Variants in KCNIP4 observed in about 807,000 individuals in gnomAD.
KCNIP4 encodes potassium voltage-gated channel interacting protein 4.
A neutral mutation model predicts 34.0 loss-of-function variants in KCNIP4; 12 were observed. The observed-to-expected ratio is 0.35, with a 90% CI of 0.23 to 0.57. KCNIP4 has a LOEUF of 0.57. Among genes scored for constraint, KCNIP4 ranks in the 20% least tolerant of loss-of-function variants. The pLI, the probability that KCNIP4 is intolerant of heterozygous loss-of-function variation, is 0.83. For missense variants in KCNIP4, 238 were observed against 311.7 expected (o/e 0.76, Z 1.78); for synonymous variants, 124 against 102.2 (o/e 1.21, Z -1.29).
intron 1 of KCNIP4, among the ~76,000 whole-genome samples, chr4:21,781,810 T>A (rs1399757368): frequency 1.3e-5 from 2 of 151,958 alleles, no homozygotes; most frequent in Non-Finnish European, 2.9e-5. Context: ...ATATAAATGG[T>A]GGGGAGTAAA....
intron 1 of KCNIP4, among the ~76,000 whole-genome samples, chr4:21,713,066 T>C (rs541988874): frequency 3.3e-4 from 51 of 152,326 alleles, no homozygotes; most frequent in African/African-American, 1.2e-3. Context: ...CTTTCACTTA[T>C]TGCTCATGAT....
At chr4:21,235,063 A>G (rs1359281158) in intron 1 of KCNIP4, among the ~76,000 whole-genome samples, 3 of 152,178 alleles carry the variant, frequency 2.0e-5, no homozygotes, top group Non-Finnish European at 4.4e-5. Context: ...TATAACTACT[A>G]TAACATAAAA....
intron 1 of KCNIP4, among the ~76,000 whole-genome samples, chr4:21,141,374 TTC>T (rs1466122210): frequency 6.6e-6 from 1 of 152,226 alleles, no homozygotes; most frequent in Non-Finnish European, 1.5e-5. Flanking sequence ...AGTCTCTGTT[TTC>T]TGTCTTTTCA....
chr4:21,018,029 T>C (rs567489944), intron 1 of KCNIP4, among the ~76,000 whole-genome samples: 1 of 152,338 alleles, frequency 6.6e-6, no homozygotes, highest in Non-Finnish European at 1.5e-5. Context: ...CTCACGGATG[T>C]ACCACCTAAT....
At chr4:21,404,183 A>G (rs1723781075) in intron 1 of KCNIP4, among the ~76,000 whole-genome samples, 2 of 152,210 alleles carry the variant, frequency 1.3e-5, no homozygotes, top group African/African-American at 4.8e-5. Flanking sequence ...CTCAGATATC[A>G]TCCAATACAT....
chr4:21,090,113 C>G (rs998078788), intron 1 of KCNIP4, among the ~76,000 whole-genome samples: 2 of 152,190 alleles, frequency 1.3e-5, no homozygotes, highest in African/African-American at 4.8e-5. Flanking sequence ...CCCCTCTCCC[C>G]TGCCCATGCC....
At chr4:21,183,919 C>T (rs1280429909) in intron 1 of KCNIP4, among the ~76,000 whole-genome samples, 2 of 152,130 alleles carry the variant, frequency 1.3e-5, no homozygotes, top group African/African-American at 4.8e-5. Flanking sequence ...CTCCTTTCCT[C>T]TCCCTTCTCA....
chr4:21,121,111 A>G (rs150832477), intron 1 of KCNIP4, among the ~76,000 whole-genome samples: 10 of 152,286 alleles, frequency 6.6e-5, no homozygotes, highest in South Asian at 6.2e-4. Context: ...CTTGTCCCCA[A>G]TTCTCCAGCA....
chr4:21,568,859 ATATTCATC>A (rs1221953419), intron 1 of KCNIP4, among the ~76,000 whole-genome samples: 6 of 152,180 alleles, frequency 3.9e-5, no homozygotes, highest in African/African-American at 1.4e-4. Flanking sequence ...TCCTCTTCAT[ATATTCATC>A]TATCCTGTTA....
chr4:20,859,755 A>G (rs1460032178), intron 2 of KCNIP4, among the ~76,000 whole-genome samples: 3 of 152,200 alleles, frequency 2.0e-5, no homozygotes, highest in Non-Finnish European at 4.4e-5. Flanking sequence ...CTAAGGGCAA[A>G]TCATGCCATC....
At chr4:21,724,834 A>G (rs1011758917) in intron 1 of KCNIP4, among the ~76,000 whole-genome samples, 4 of 152,090 alleles carry the variant, frequency 2.6e-5, no homozygotes, top group African/African-American at 9.7e-5. Flanking sequence ...CATGCTTAAG[A>G]GACCCAAGGA....
At chr4:21,617,425 T>C (rs1744682667) in intron 1 of KCNIP4, among the ~76,000 whole-genome samples, 1 of 152,152 alleles carries the variant, frequency 6.6e-6, no homozygotes, top group Admixed American at 6.5e-5. Flanking sequence ...ATGTCAATCA[T>C]TGCTGCATTT....
chr4:21,891,245 A>C (rs1227905882), intron 1 of KCNIP4, among the ~76,000 whole-genome samples: 1 of 152,132 alleles, frequency 6.6e-6, no homozygotes, highest in Non-Finnish European at 1.5e-5. Flanking sequence ...GTATGCTTAA[A>C]TTAAGTGACT....
intron 1 of KCNIP4, among the ~76,000 whole-genome samples, chr4:21,838,998 A>G (rs1319984069): frequency 6.6e-6 from 1 of 152,200 alleles, no homozygotes; most frequent in Non-Finnish European, 1.5e-5. Context: ...AGAAAAAGTC[A>G]TTTTTGAGGG....
At chr4:21,074,799 A>G (rs139400043) in intron 1 of KCNIP4, among the ~76,000 whole-genome samples, 3,892 of 152,200 alleles carry the variant, frequency 0.026, 149 homozygotes, top group African/African-American at 0.087. Flanking sequence ...CCCTCTACAC[A>G]CTGCTTTAAA....
Position 20,976,607 on chromosome 4 carries a change from C to T in KCNIP4, c.62-93898G>A, listed in dbSNP as rs566396872. Reference sequence around the variant, plus strand: ...CTTTATAGCCTATACTCTTCCCTCTCGCCTTATTCTGCCTTCTCCCTTATT... The same window carrying T: ...CTTTATAGCCTATACTCTTCCCTCTTGCCTTATTCTGCCTTCTCCCTTATT... On this transcript the variant is annotated intron_variant, in intron 1 of 8. Transcript: ENST00000382152. Among the ~76,000 whole-genome samples, 5 of 152,206 alleles carry T rather than the reference C, an allele frequency of 3.3e-5. No individual in the cohort carries two copies. In the East Asian group the frequency reaches 5.8e-4, roughly 18 times the overall value.
chr4:20,989,455 G>C (rs866082659), intron 1 of KCNIP4, among the ~76,000 whole-genome samples: 1 of 152,134 alleles, frequency 6.6e-6, no homozygotes, highest in Non-Finnish European at 1.5e-5. Context: ...GACTTGCTTA[G>C]TATAGGAAAA....
chr4:20,879,673 A>G (rs944176715), intron 2 of KCNIP4, among the ~76,000 whole-genome samples: 1 of 152,228 alleles, frequency 6.6e-6, no homozygotes, highest in African/African-American at 2.4e-5. Flanking sequence ...ATCTGTATTT[A>G]ACAAATGACT....
chr4:21,589,939 T>C (rs185811060), intron 1 of KCNIP4, among the ~76,000 whole-genome samples: 1 of 152,134 alleles, frequency 6.6e-6, no homozygotes, highest in African/African-American at 2.4e-5. Flanking sequence ...TTATAAGATA[T>C]TCATGGTTTG....
Sources: allele counts gnomAD v4.1 joint callset (sites outside exome capture counted in the v4.1 genomes callset), GRCh38; gene constraint gnomAD v4.1.1; transcripts MANE v1.5; gene names NCBI Gene and HGNC (gene_info 2026-07-23, HGNC 2026-07-21).